The following INPP4B variants were observed in gnomAD, a reference collection of about 807,000 sequenced individuals.
INPP4B encodes the protein inositol polyphosphate-4-phosphatase type II B.
In INPP4B, 55 loss-of-function variants were observed where a neutral mutation model predicts 122.5. The ratio of observed to expected loss-of-function variants is 0.45; its 90% CI spans 0.36 to 0.56. The LOEUF is 0.56. INPP4B is among the 20% of genes least tolerant of loss of function. The probability of loss-of-function intolerance (pLI) is 0.00; values close to 1 mark genes in which losing one functional copy is unlikely to be tolerated. For synonymous variants in INPP4B, 403 were observed against 388.7 expected (o/e 1.04, Z -0.43); for missense variants, 1,000 against 1,097.7 (o/e 0.91, Z 1.26).
At chr4:142,260,616 G>A in intron 10 of INPP4B, 52 bp from the exon 11 acceptor site, 2 of 1,180,798 alleles carry the variant, frequency 1.7e-6, no homozygotes, top group Non-Finnish European at 2.4e-6. Flanking sequence ...ATCAAAATAA[G>A]GAATGATATT....
At chr4:142,350,066 C>A (rs928704884) in intron 7 of INPP4B, among the ~76,000 whole-genome samples, 1 of 151,856 alleles carries the variant, frequency 6.6e-6, no homozygotes, top group Non-Finnish European at 1.5e-5. Context: ...ACCTCTTCGG[C>A]GCTTAGAATG....
intron 2 of INPP4B, among the ~76,000 whole-genome samples, chr4:142,700,573 T>C (rs1761611797): frequency 6.6e-6 from 1 of 152,194 alleles, no homozygotes; most frequent in South Asian, 2.1e-4. Flanking sequence ...TCATTCCATC[T>C]TTTGGGAAAG....
chr4:142,156,686 A>G (rs190584553), intron 17 of INPP4B, among the ~76,000 whole-genome samples: 26 of 152,236 alleles, frequency 1.7e-4, no homozygotes, highest in African/African-American at 6.0e-4. Context: ...CTAGATGATT[A>G]TTATCCAGAT....
Position 142,579,214 on chromosome 4 carries a change from G to C in INPP4B, c.-190-116488C>G, listed in dbSNP as rs147644804. ...AAACAAATAAATGCATATCTCATTT[G>C]TAATGTGAGTTATAAAAAGTGATAA... is the stretch of plus-strand genomic sequence containing the variant. On this transcript the variant is annotated intron_variant, in intron 2 of 25. Coordinates refer to ENST00000262992, the MANE Select transcript of INPP4B (RefSeq NM_001101669.3). 3.3e-3 allele frequency among the ~76,000 whole-genome samples: 498 copies of C among 152,122 alleles called. 7 individuals are homozygous for C. Among genetic ancestry groups the C allele is most frequent in the East Asian group, 0.018 (93 of 5,164 alleles).
rs544439741 is a variant in INPP4B at position 142,417,252 on chromosome 4, G to A, written c.136+11921C>T. Reference sequence around the variant, plus strand: ...AATTAAATTAAAAAGAACCTCTTCCGGGATGCACTGTAGCCTAGGCAAGAT... The same window carrying A: ...AATTAAATTAAAAAGAACCTCTTCCAGGATGCACTGTAGCCTAGGCAAGAT... On this transcript the variant is annotated intron_variant, in intron 5 of 25. Transcript: ENST00000262992. Among the ~76,000 whole-genome samples, 18 of 152,196 alleles carry A rather than the reference G, an allele frequency of 1.2e-4. No individual in the cohort carries two copies. In the South Asian group the frequency reaches 3.1e-3, roughly 26 times the overall value.
chr4:142,440,883 A>G (rs1376986107), intron 3 of INPP4B, among the ~76,000 whole-genome samples: 1 of 152,246 alleles, frequency 6.6e-6, no homozygotes, highest in Non-Finnish European at 1.5e-5. Flanking sequence ...AAGAGCAGCT[A>G]TAATCTACTC....
At chr4:142,283,150 C>G (rs751401702) in intron 9 of INPP4B, among the ~76,000 whole-genome samples, 19 of 152,046 alleles carry the variant, frequency 1.2e-4, no homozygotes, top group Non-Finnish European at 2.1e-4. Flanking sequence ...TAATAAGATA[C>G]TGTGACTGAC....
intron 25 of INPP4B, chr4:142,030,365 A>G: frequency 7.2e-7 from 1 of 1,394,078 alleles, no homozygotes; most frequent in Non-Finnish European, 9.7e-7. Context: ...CAGTAAAAAA[A>G]ATTCAGCCTT....
chr4:142,678,566 A>G (rs577475495), intron 2 of INPP4B, among the ~76,000 whole-genome samples: 2 of 152,038 alleles, frequency 1.3e-5, no homozygotes, highest in South Asian at 2.1e-4. Context: ...CTATGATTCT[A>G]TGATACACTG....
intron 2 of INPP4B, among the ~76,000 whole-genome samples, chr4:142,546,095 C>T (rs187303312): frequency 6.6e-5 from 10 of 152,020 alleles, no homozygotes; most frequent in Non-Finnish European, 1.5e-4. Context: ...CACTCTCTAA[C>T]CTTTGAAAGG....
chr4:142,196,032 C>A (rs567052590), intron 14 of INPP4B, among the ~76,000 whole-genome samples: 1 of 152,170 alleles, frequency 6.6e-6, no homozygotes, highest in East Asian at 1.9e-4. Context: ...TATGAAGAAA[C>A]CGAGACATTT....
At position 142,392,757 on chromosome 4, in the gene INPP4B, A is replaced by C. The variant is rs201210106; in HGVS notation, c.372+10181T>G. 3.9e-5 allele frequency among the ~76,000 whole-genome samples: 6 copies of C among 152,350 alleles called. No homozygotes were observed. The East Asian group carries it at 1.2e-3, about 29-fold the overall frequency. On this transcript the variant is annotated intron_variant, in intron 7 of 25. Coordinates refer to ENST00000262992, the MANE Select transcript of INPP4B (RefSeq NM_001101669.3). ...CTGTCAAAGTTATGCTAAATAATAG[A>C]GTTGGCTAAACAGAAAAGTATCTGG...
At chr4:142,195,887 C>T (rs1837990133) in intron 14 of INPP4B, among the ~76,000 whole-genome samples, 2 of 152,160 alleles carry the variant, frequency 1.3e-5, no homozygotes, top group Admixed American at 1.3e-4. Context: ...GGCCCTGACA[C>T]TTCAGCTGTT....
chr4:142,612,700 G>A (rs1742824975), intron 2 of INPP4B, among the ~76,000 whole-genome samples: 1 of 152,078 alleles, frequency 6.6e-6, no homozygotes, highest in Non-Finnish European at 1.5e-5. Context: ...AAACTCCCTG[G>A]GGCCTTTTTT....
At chr4:142,598,776 G>C (rs1402069355) in intron 2 of INPP4B, among the ~76,000 whole-genome samples, 1 of 152,124 alleles carries the variant, frequency 6.6e-6, no homozygotes, top group African/African-American at 2.4e-5. Context: ...CTCCCACTGT[G>C]AGCTGCCTCT....
chr4:142,741,612 A>G (rs1434316991), intron 1 of INPP4B, among the ~76,000 whole-genome samples: 10 of 152,108 alleles, frequency 6.6e-5, no homozygotes, highest in Admixed American at 1.3e-4. Flanking sequence ...AGTAACTTCT[A>G]GAAATTAAAA....
chr4:142,787,891 T>C (rs554134401), intron 1 of INPP4B, among the ~76,000 whole-genome samples: 1 of 150,924 alleles, frequency 6.6e-6, no homozygotes, highest in African/African-American at 2.4e-5. Flanking sequence ...AATCAGAAAA[T>C]AGGTCACCGA....
chr4:142,332,595 C>T (rs1312652025), intron 7 of INPP4B, among the ~76,000 whole-genome samples: 1 of 151,984 alleles, frequency 6.6e-6, no homozygotes, highest in Non-Finnish European at 1.5e-5. Flanking sequence ...TTTAATTTAA[C>T]CATTTTCATG....
intron 15 of INPP4B, among the ~76,000 whole-genome samples, chr4:142,184,101 A>G (rs1201665754): frequency 2.6e-5 from 4 of 152,220 alleles, no homozygotes; most frequent in African/African-American, 9.6e-5. Flanking sequence ...TTCCTTTAAA[A>G]TAAATATTCA....
Sources: gnomAD v4.1 joint callset for allele counts (sites outside exome capture counted in the v4.1 genomes callset) on GRCh38, gnomAD v4.1.1 for gene constraint, MANE v1.5 for transcripts, NCBI Gene and HGNC (gene_info 2026-07-23, HGNC 2026-07-21) for gene names.